Variants in SSBP2 observed in about 807,000 individuals in gnomAD.
SSBP2 encodes single-stranded DNA-binding protein 2.
Under a neutral mutation model 61.8 loss-of-function variants are expected in SSBP2, and 17 were observed. The observed-to-expected ratio is 0.28, with a 90% CI of 0.19 to 0.41. The LOEUF is 0.41. SSBP2 is among the 10% of genes least tolerant of loss of function. The pLI is 1.00. For missense variants in SSBP2, 310 were observed against 458.7 expected (o/e 0.68, Z 2.96); for synonymous variants, 139 against 141.3 (o/e 0.98, Z 0.12).
intron 4 of SSBP2, among the ~76,000 whole-genome samples, chr5:81,536,074 C>A (rs1383538159): frequency 6.6e-6 from 1 of 151,974 alleles, no homozygotes; most frequent in Non-Finnish European, 1.5e-5. Flanking sequence ...TAAAAATGGA[C>A]CAAAGACCCA....
At chr5:81,691,371 C>T (rs751130582) in intron 1 of SSBP2, among the ~76,000 whole-genome samples, 7 of 151,422 alleles carry the variant, frequency 4.6e-5, no homozygotes, top group African/African-American at 9.7e-5. Flanking sequence ...AGATGAAAAA[C>T]GAGACATTAC....
intron 6 of SSBP2, among the ~76,000 whole-genome samples, chr5:81,484,777 C>G (rs993886741): frequency 6.6e-6 from 1 of 152,050 alleles, no homozygotes; most frequent in East Asian, 1.9e-4. Context: ...TACTTAACCA[C>G]TCATCTATTA....
intron 4 of SSBP2, among the ~76,000 whole-genome samples, chr5:81,585,553 G>GTGTATA (rs1554092471): frequency 6.7e-6 from 1 of 149,652 alleles, no homozygotes; most frequent in African/African-American, 2.4e-5. Context: ...TTGTGTGTGT[G>GTGTATA]TATATATATA....
chr5:81,558,266 C>T (rs148648257), intron 4 of SSBP2, among the ~76,000 whole-genome samples: 2 of 152,148 alleles, frequency 1.3e-5, no homozygotes, highest in Non-Finnish European at 2.9e-5. Context: ...GTCTGGGTGG[C>T]TATCACAAAT....
chr5:81,575,789 T>C (rs1049838419), intron 4 of SSBP2, among the ~76,000 whole-genome samples: 1 of 152,074 alleles, frequency 6.6e-6, no homozygotes, highest in Non-Finnish European at 1.5e-5. Flanking sequence ...AAAAACAAGA[T>C]ATATATTGTG....
intron 8 of SSBP2, among the ~76,000 whole-genome samples, chr5:81,473,280 T>A (rs1765369801): frequency 6.6e-6 from 1 of 152,228 alleles, no homozygotes; most frequent in African/African-American, 2.4e-5. Flanking sequence ...GGAATACAAG[T>A]GCAGAACGTG....
intron 4 of SSBP2, among the ~76,000 whole-genome samples, chr5:81,520,370 A>G (rs1223453470): frequency 6.6e-6 from 1 of 152,190 alleles, no homozygotes; most frequent in African/African-American, 2.4e-5. Context: ...AAAGTTTGAC[A>G]TTGGTGTTCA....
chr5:81,588,563 A>G (rs1775253040), intron 4 of SSBP2, among the ~76,000 whole-genome samples: 1 of 151,846 alleles, frequency 6.6e-6, no homozygotes, highest in East Asian at 1.9e-4. Context: ...ATATATCTAT[A>G]CAACCAGGTT....
chr5:81,611,097 A>G (rs1745396284), intron 4 of SSBP2, among the ~76,000 whole-genome samples: 1 of 152,218 alleles, frequency 6.6e-6, no homozygotes, highest in Admixed American at 6.5e-5. Context: ...TGGCTAAGTA[A>G]CTATTACTTA....
intron 6 of SSBP2, among the ~76,000 whole-genome samples, chr5:81,488,060 A>ATATATATAT (rs1561459590): frequency 2.8e-4 from 16 of 56,808 alleles, no homozygotes; most frequent in South Asian, 7.0e-4. Flanking sequence ...TATATATATA[A>ATATATATAT]ATAAAATATC....
intron 4 of SSBP2, among the ~76,000 whole-genome samples, chr5:81,532,953 AC>A (rs1220547337): frequency 3.3e-5 from 5 of 151,966 alleles, no homozygotes; most frequent in Admixed American, 6.6e-5. Context: ...AGAGATTTTA[AC>A]ATTTCTCTCT....
chr5:81,715,848 G>C (rs981768869), intron 1 of SSBP2, among the ~76,000 whole-genome samples: 1 of 152,116 alleles, frequency 6.6e-6, no homozygotes, highest in Non-Finnish European at 1.5e-5. Context: ...CTTGAGCCCA[G>C]GAGTTCGAGA....
chr5:81,490,800 T>A (rs1459265855), intron 5 of SSBP2, among the ~76,000 whole-genome samples: 1 of 152,256 alleles, frequency 6.6e-6, no homozygotes, highest in African/African-American at 2.4e-5. Flanking sequence ...TTGTTCACTG[T>A]GTTCTTATAT....
intron 3 of SSBP2, among the ~76,000 whole-genome samples, chr5:81,632,521 G>C (rs181159223): frequency 2.4e-3 from 365 of 152,300 alleles, no homozygotes; most frequent in Non-Finnish European, 4.2e-3. Flanking sequence ...ATTAGGAATA[G>C]AAGAAATGAA....
At chr5:81,534,264 T>C (rs1463279874) in intron 4 of SSBP2, among the ~76,000 whole-genome samples, 2 of 152,072 alleles carry the variant, frequency 1.3e-5, no homozygotes, top group Admixed American at 6.6e-5. Flanking sequence ...ACTGAAAGCC[T>C]ATTTACAGCA....
chr5:81,443,898 T>G (rs1278609671), intron 12 of SSBP2, among the ~76,000 whole-genome samples: 1 of 152,224 alleles, frequency 6.6e-6, no homozygotes, highest in Non-Finnish European at 1.5e-5. Context: ...TGTTTAAAAT[T>G]TTTGTACTGA....
intron 1 of SSBP2, among the ~76,000 whole-genome samples, chr5:81,676,897 A>G (rs1752028813): frequency 6.6e-6 from 1 of 152,152 alleles, no homozygotes; most frequent in Non-Finnish European, 1.5e-5. Context: ...AAAGGAAAGA[A>G]AAAGAAAAAG....
At chr5:81,687,912 C>T (rs566565896) in intron 1 of SSBP2, among the ~76,000 whole-genome samples, 8 of 152,242 alleles carry the variant, frequency 5.3e-5, no homozygotes, top group East Asian at 3.9e-4. Flanking sequence ...GCTTCAGGTG[C>T]GACCCAGCAC....
At chr5:81,500,633 G>T (rs1274244560) in intron 5 of SSBP2, among the ~76,000 whole-genome samples, 1 of 152,000 alleles carries the variant, frequency 6.6e-6, no homozygotes, top group African/African-American at 2.4e-5. Context: ...GCTAATTTTT[G>T]TATTTTTAGT....
Sources: gnomAD v4.1 joint callset for allele counts (sites outside exome capture counted in the v4.1 genomes callset) on GRCh38, gnomAD v4.1.1 for gene constraint, MANE v1.5 for transcripts, NCBI Gene and HGNC (gene_info 2026-07-23, HGNC 2026-07-21) for gene names.